Variants in DOCK4 observed in about 807,000 individuals in gnomAD.
DOCK4 encodes the protein dedicator of cytokinesis protein 4.
In DOCK4, 97 loss-of-function variants were observed where a neutral mutation model predicts 268.1. The observed-to-expected ratio is 0.36, with a 90% CI of 0.31 to 0.43. The LOEUF (loss-of-function observed/expected upper bound fraction) is 0.43, where lower values mean the gene tolerates loss of function less well. Among genes scored for constraint, DOCK4 ranks in the 20% least tolerant of loss-of-function variants. The pLI is 1.00. For synonymous variants in DOCK4, 954 were observed against 887.2 expected (o/e 1.08, Z -1.34); for missense variants, 2,145 against 2,455.7 (o/e 0.87, Z 2.67).
At chr7:111,939,635 CAAA>C (rs1795042975) in intron 11 of DOCK4, among the ~76,000 whole-genome samples, 1 of 151,846 alleles carries the variant, frequency 6.6e-6, no homozygotes, top group South Asian at 2.1e-4. Context: ...GCAAAAATTT[CAAA>C]AAATTGCAAC....
Position 111,809,417 on chromosome 7 carries a change from G to A in DOCK4, c.3007-16C>T, listed in dbSNP as rs1288140379. 6 of 1,533,730 alleles carry A rather than the reference G, an allele frequency of 3.9e-6. No individual in the cohort carries two copies. Among genetic ancestry groups the A allele is most frequent in the South Asian group, 2.4e-5 (2 of 83,736 alleles). On this transcript the variant is annotated splice_polypyrimidine_tract_variant and intron_variant, in intron 28 of 52. Coordinates refer to ENST00000428084, the MANE Select transcript of DOCK4 (RefSeq NM_001363540.2). The stretch of plus-strand genomic sequence containing the variant: ...AATCCCAGATCTAAAACAAGAACAA[G>A]ATATATCAATACTATGGTGTTACAA...
chr7:111,745,471 A>G (rs1452100502), intron 44 of DOCK4, among the ~76,000 whole-genome samples: 1 of 151,906 alleles, frequency 6.6e-6, no homozygotes, highest in Non-Finnish European at 1.5e-5. Flanking sequence ...TCACAAGGTC[A>G]GGAGATCGAG....
At chr7:112,003,687 G>T (rs1023259475) in intron 2 of DOCK4, among the ~76,000 whole-genome samples, 2 of 152,134 alleles carry the variant, frequency 1.3e-5, no homozygotes, top group Admixed American at 6.5e-5. Flanking sequence ...TCAACCTCAG[G>T]TAAGCCATGT....
chr7:111,791,897 T>C (rs1799575385), intron 30 of DOCK4, among the ~76,000 whole-genome samples: 2 of 152,152 alleles, frequency 1.3e-5, no homozygotes, highest in African/African-American at 2.4e-5. Flanking sequence ...ACAGAATAAA[T>C]ACACAACTTA....
chr7:111,755,472 A>T lies in DOCK4; in HGVS notation c.4416+43T>A, dbSNP rs1160121912. On this transcript the variant is annotated intron_variant, in intron 42 of 52. Transcript: ENST00000428084. ...ATATACGGCACAACTCCAAGTGAAC[A>T]ACTGTGATGAGAAAGTGCTTGAGAA... The T allele has an allele frequency of 4.4e-6, 7 of 1,583,678 alleles. No homozygotes were observed. In the African/African-American group the frequency reaches 6.7e-5, roughly 15 times the overall value.
chr7:111,951,322 G>A (rs1430771249), intron 8 of DOCK4, among the ~76,000 whole-genome samples: 15 of 152,108 alleles, frequency 9.9e-5, no homozygotes. Flanking sequence ...CACAGTAGGA[G>A]GTGGAAACCA....
At chr7:111,981,302 C>T (rs2135153683) in intron 7 of DOCK4, among the ~76,000 whole-genome samples, 1 of 152,162 alleles carries the variant, frequency 6.6e-6, no homozygotes, top group East Asian at 1.9e-4. Context: ...GTGAAATCAA[C>T]AGTCAGTCAC....
At chr7:112,193,282 T>C (rs1379023145) in intron 1 of DOCK4, among the ~76,000 whole-genome samples, 1 of 152,166 alleles carries the variant, frequency 6.6e-6, no homozygotes, top group Non-Finnish European at 1.5e-5. Context: ...CTGGAGTTAC[T>C]AGTCGATATC....
At chr7:112,059,684 T>C in intron 1 of DOCK4, among the ~76,000 whole-genome samples, 1 of 152,120 alleles carries the variant, frequency 6.6e-6, no homozygotes, top group East Asian at 1.9e-4. Context: ...AGTTAACTAA[T>C]GCAATAATTG....
chr7:112,053,183 A>G (rs1039848899), intron 1 of DOCK4, among the ~76,000 whole-genome samples: 1 of 152,172 alleles, frequency 6.6e-6, no homozygotes, highest in Non-Finnish European at 1.5e-5. Context: ...AACTCTTACT[A>G]ATTATAGTAC....
chr7:112,126,902 A>G (rs1813272223), intron 1 of DOCK4, among the ~76,000 whole-genome samples: 1 of 151,888 alleles, frequency 6.6e-6, no homozygotes, highest in South Asian at 2.1e-4. Context: ...TTAAAAAGTC[A>G]GGAAACAACA....
rs957930926 is a variant in DOCK4, at chr7:112,027,018, G to T, written c.38-22887C>A. On this transcript the variant is annotated intron_variant, in intron 1 of 52. Coordinates refer to ENST00000428084, the MANE Select transcript of DOCK4 (RefSeq NM_001363540.2). ...GGCCAGGTAAGGACATAATGAGCTT[G>T]GATGAACTCATTTGCTACTCAATGG... is the stretch of plus-strand genomic sequence containing the variant. Among the ~76,000 whole-genome samples, 3 of 152,230 alleles carry T rather than the reference G, an allele frequency of 2.0e-5. No individual in the cohort carries two copies. In the South Asian group the frequency reaches 6.2e-4, roughly 32 times the overall value.
At chr7:111,766,466 G>A (rs1797767508) in intron 38 of DOCK4, among the ~76,000 whole-genome samples, 1 of 152,184 alleles carries the variant, frequency 6.6e-6, no homozygotes, top group Non-Finnish European at 1.5e-5. Flanking sequence ...TAAGGACTTG[G>A]AGGGCAAGGA....
chr7:112,205,877 C>A (rs926487005), intron 1 of DOCK4, among the ~76,000 whole-genome samples: 1 of 152,186 alleles, frequency 6.6e-6, no homozygotes, highest in Non-Finnish European at 1.5e-5. Flanking sequence ...GCTGTCCCGG[C>A]GCTTCGGGAA....
rs143208744 is a variant in DOCK4 at position 111,854,547 on chromosome 7, TCATCTTGCTA to T, written c.2474-7431_2474-7422del. On this transcript the variant is annotated intron_variant, in intron 23 of 52. Transcript: ENST00000428084. ...GTGTCTGAGGAGTTCTGTCTGTGGC[TCATCTTGCTA>T]CATTAGTAGAGACAGGGTTCCACCA... Among the ~76,000 whole-genome samples, 59 of 152,284 alleles carry T rather than the reference TCATCTTGCTA, an allele frequency of 3.9e-4. 1 individual carries two copies. The East Asian group carries it at 0.01, about 27-fold the overall frequency.
chr7:112,187,959 T>C (rs190328714), intron 1 of DOCK4, among the ~76,000 whole-genome samples: 72 of 152,304 alleles, frequency 4.7e-4, no homozygotes, highest in Admixed American at 1.6e-3. Context: ...ATTGGTACCA[T>C]GTGACTCAAA....
chr7:112,018,029 A>T (rs1381568875), intron 1 of DOCK4, among the ~76,000 whole-genome samples: 1 of 151,760 alleles, frequency 6.6e-6, no homozygotes, highest in Non-Finnish European at 1.5e-5. Flanking sequence ...TACTAAAAAA[A>T]ATACAAAAAA....
rs1378189939 is a variant in DOCK4 at position 111,915,882 on chromosome 7, T to C, written c.1089A>G (p.Leu363=). 1.2e-5 allele frequency: 20 copies of C among 1,612,064 alleles called. No individual in the cohort carries two copies. Among genetic ancestry groups the C allele is most frequent in the Middle Eastern group, 1.6e-4 (1 of 6,082 alleles). ...SNAGLAVSLQ[L]LHGDIEQIRR... ...TGATTTGTTCAATGTCTCCGTGCAATAGCTGTAAGGAAACTGCTAAACCTA... is the reference window on the plus strand; with the variant it reads ...TGATTTGTTCAATGTCTCCGTGCAACAGCTGTAAGGAAACTGCTAAACCTA... The change falls in exon 13 of 53, where the codon CTA becomes CTG. Residue 363 remains leucine, a synonymous_variant. Coordinates refer to ENST00000428084, the MANE Select transcript of DOCK4 (RefSeq NM_001363540.2).
chr7:111,758,913 T>A, intron 40 of DOCK4, 123 bp from the exon 41 acceptor site: 1 of 918,802 alleles, frequency 1.1e-6, no homozygotes, highest in Non-Finnish European at 1.6e-6. Context: ...TCAGTTGAAG[T>A]CATTAAAAAA....
Sources: gnomAD v4.1 joint callset for allele counts (sites outside exome capture counted in the v4.1 genomes callset) on GRCh38, gnomAD v4.1.1 for gene constraint, MANE v1.5 for transcripts, NCBI Gene and HGNC (gene_info 2026-07-23, HGNC 2026-07-21) for gene names.